LUZP2: variants seen among roughly 807,000 people sequenced by gnomAD.
LUZP2 encodes the protein leucine zipper protein 2.
Under a neutral mutation model 51.6 loss-of-function variants are expected in LUZP2, and 52 were observed. That is an observed-to-expected ratio of 1.01 (90% CI 0.81 to 1.27). The LOEUF (loss-of-function observed/expected upper bound fraction) is 1.27, where lower values mean the gene tolerates loss of function less well. Ranked by LOEUF, LUZP2 falls within the 50% of genes most tolerant of loss-of-function variation. The pLI, the probability that LUZP2 is intolerant of heterozygous loss-of-function variation, is 0.00. For missense variants in LUZP2, 436 were observed against 395.4 expected (o/e 1.10, Z -0.87); for synonymous variants, 154 against 137.3 (o/e 1.12, Z -0.85).
intron 1 of LUZP2, among the ~76,000 whole-genome samples, chr11:24,610,685 T>G (rs963673694): frequency 7.2e-5 from 11 of 152,090 alleles, no homozygotes; most frequent in African/African-American, 2.7e-4. Context: ...GTGGCTCAGG[T>G]CTATAATCCC....
rs916748018 is a variant in LUZP2 at position 24,983,420 on chromosome 11, A to C, written c.765+127A>C. 14 of 960,212 alleles carry C rather than the reference A, an allele frequency of 1.5e-5. No homozygotes were observed. The African/African-American group carries it at 2.2e-4, about 15-fold the overall frequency. 59.5% of individuals were successfully genotyped at this position (960,212 alleles called of 1,614,324 possible). ...AAATCCATTGAAAGATTAGGAGGAA[A>C]ATGGAAGGTAGTAACCCAGCTTGTA... On this transcript the variant is annotated intron_variant, in intron 9 of 11. Coordinates refer to ENST00000336930, the MANE Select transcript of LUZP2 (RefSeq NM_001009909.4).
chr11:24,812,378 C>T (rs939205919), intron 5 of LUZP2, among the ~76,000 whole-genome samples: 2 of 152,126 alleles, frequency 1.3e-5, no homozygotes, highest in Non-Finnish European at 2.9e-5. Context: ...TTCAATTCCC[C>T]TTCTGCTTCT....
intron 5 of LUZP2, among the ~76,000 whole-genome samples, chr11:24,782,060 G>A (rs561617091): frequency 9.5e-4 from 145 of 152,184 alleles, no homozygotes; most frequent in African/African-American, 3.4e-3. Context: ...CATTCAGAGA[G>A]CTTCTTTAAT....
intron 7 of LUZP2, among the ~76,000 whole-genome samples, chr11:24,969,184 C>G (rs1187802408): frequency 2.6e-5 from 4 of 152,102 alleles, no homozygotes; most frequent in African/African-American, 9.7e-5. Flanking sequence ...CAAGTAGACT[C>G]TAGTGTCTGT....
chr11:24,992,182 G>A (rs982604082), intron 9 of LUZP2, among the ~76,000 whole-genome samples: 2 of 151,908 alleles, frequency 1.3e-5, no homozygotes, highest in African/African-American at 4.8e-5. Flanking sequence ...TACATACATT[G>A]GCAAGTTTCC....
chr11:24,850,399 G>C (rs1438740522), intron 5 of LUZP2, among the ~76,000 whole-genome samples: 2 of 152,110 alleles, frequency 1.3e-5, no homozygotes, highest in Non-Finnish European at 2.9e-5. Flanking sequence ...CCCATTGCTT[G>C]TTTTTGTCAG....
intron 5 of LUZP2, among the ~76,000 whole-genome samples, chr11:24,881,328 A>G (rs1488534798): frequency 6.7e-6 from 1 of 148,998 alleles, no homozygotes; most frequent in Non-Finnish European, 1.5e-5. Flanking sequence ...AAAAAAAAAA[A>G]GAGAGAGAGA....
intron 5 of LUZP2, among the ~76,000 whole-genome samples, chr11:24,896,640 C>T (rs967747811): frequency 2.6e-5 from 4 of 152,326 alleles, no homozygotes; most frequent in African/African-American, 4.8e-5. Flanking sequence ...CCCTGCTCCC[C>T]GGTGCCTGGT....
chr11:25,052,562 A>G (rs1022210981), intron 10 of LUZP2, among the ~76,000 whole-genome samples: 4 of 152,214 alleles, frequency 2.6e-5, no homozygotes, highest in African/African-American at 9.6e-5. Flanking sequence ...TTTTTAATAA[A>G]TAAAACTAGA....
chr11:24,927,286 G>T (rs909584148), intron 7 of LUZP2, among the ~76,000 whole-genome samples: 5 of 151,784 alleles, frequency 3.3e-5, no homozygotes, highest in Non-Finnish European at 7.4e-5. Context: ...ATTTATCTTT[G>T]TTTTTGTTGC....
chr11:24,668,565 A>G (rs1565065887), intron 1 of LUZP2, among the ~76,000 whole-genome samples: 2 of 152,286 alleles, frequency 1.3e-5, no homozygotes, highest in African/African-American at 4.8e-5. Context: ...GGGACCATGT[A>G]TCCATCACTG....
At chr11:24,626,437 G>A (rs970118519) in intron 1 of LUZP2, among the ~76,000 whole-genome samples, 11 of 152,254 alleles carry the variant, frequency 7.2e-5, no homozygotes, top group African/African-American at 2.6e-4. Context: ...ACACTCCCAA[G>A]TATAATTTCA....
At chr11:24,550,998 T>C (rs543851912) in intron 1 of LUZP2, among the ~76,000 whole-genome samples, 3 of 152,098 alleles carry the variant, frequency 2.0e-5, no homozygotes, top group African/African-American at 7.2e-5. Context: ...AATTACAGAA[T>C]AACAGGTATG....
intron 7 of LUZP2, among the ~76,000 whole-genome samples, chr11:24,961,339 C>T (rs1490272420): frequency 6.6e-6 from 1 of 152,156 alleles, no homozygotes; most frequent in Non-Finnish European, 1.5e-5. Flanking sequence ...CTAATGTTGA[C>T]AGTGGGGTGT....
chr11:24,728,501 CCCT>C (rs1360440723), intron 1 of LUZP2, among the ~76,000 whole-genome samples: 2 of 151,736 alleles, frequency 1.3e-5, no homozygotes, highest in Non-Finnish European at 2.9e-5. Flanking sequence ...CTGTTTTTTT[CCCT>C]CCTCCCATTC....
At chr11:24,535,538 C>T (rs755503589) in intron 1 of LUZP2, among the ~76,000 whole-genome samples, 4 of 151,560 alleles carry the variant, frequency 2.6e-5, no homozygotes, top group African/African-American at 7.3e-5. Flanking sequence ...AAATGACTTG[C>T]TTTGCTCATA....
At chr11:24,770,501 C>T (rs1860365985) in intron 5 of LUZP2, among the ~76,000 whole-genome samples, 1 of 152,118 alleles carries the variant, frequency 6.6e-6, no homozygotes, top group South Asian at 2.1e-4. Context: ...ATATAGTTTA[C>T]TACAATTCTG....
intron 10 of LUZP2, among the ~76,000 whole-genome samples, chr11:25,064,908 A>G (rs904373166): frequency 1.3e-5 from 2 of 152,086 alleles, no homozygotes; most frequent in Admixed American, 1.3e-4. Flanking sequence ...CATCTGAAAG[A>G]TAAAAATCTC....
intron 7 of LUZP2, among the ~76,000 whole-genome samples, chr11:24,951,524 G>A (rs1343259443): frequency 6.6e-6 from 1 of 151,540 alleles, no homozygotes. Flanking sequence ...TTACGATTGT[G>A]TAAATGAATT....
Sources: allele counts gnomAD v4.1 joint callset (sites outside exome capture counted in the v4.1 genomes callset), GRCh38; gene constraint gnomAD v4.1.1; transcripts MANE v1.5; gene names NCBI Gene and HGNC (gene_info 2026-07-23, HGNC 2026-07-21).